The following CTNNA2 variants were observed in gnomAD, a reference collection of about 807,000 sequenced individuals.
CTNNA2 encodes the protein catenin alpha 2.
Under a neutral mutation model 101.0 loss-of-function variants are expected in CTNNA2, and 42 were observed. The observed-to-expected ratio is 0.42, with a 90% CI of 0.32 to 0.54. CTNNA2 has a LOEUF of 0.54. CTNNA2 is among the 20% of genes least tolerant of loss of function. The pLI, the probability that CTNNA2 is intolerant of heterozygous loss-of-function variation, is 0.14. For synonymous variants in CTNNA2, 450 were observed against 456.4 expected (o/e 0.99, Z 0.18); for missense variants, 871 against 1,223.1 (o/e 0.71, Z 4.29).
At chr2:79,624,549 G>A (rs542776138) in intron 1 of CTNNA2, among the ~76,000 whole-genome samples, 10 of 152,290 alleles carry the variant, frequency 6.6e-5, no homozygotes, top group South Asian at 2.1e-4. Context: ...AGGTAATGCC[G>A]GGGAGGACTG....
intron 9 of CTNNA2, among the ~76,000 whole-genome samples, chr2:80,425,385 T>TA (rs1162210337): frequency 1.3e-5 from 2 of 152,258 alleles, no homozygotes; most frequent in Middle Eastern, 3.4e-3. Flanking sequence ...TTTTGCGACT[T>TA]ACATACCTCA....
intron 4 of CTNNA2, among the ~76,000 whole-genome samples, chr2:79,438,704 A>T (rs981744319): frequency 6.6e-6 from 1 of 152,162 alleles, no homozygotes; most frequent in Non-Finnish European, 1.5e-5. Flanking sequence ...TGTAGTCTGA[A>T]ACCTCACCTA....
intron 6 of CTNNA2, among the ~76,000 whole-genome samples, chr2:79,874,733 G>A (rs924536774): frequency 3.9e-5 from 6 of 152,082 alleles, no homozygotes; most frequent in African/African-American, 1.2e-4. Context: ...GCTTAAACTC[G>A]GGAGGCGGAG....
At chr2:79,681,801 AACTT>A (rs1004222207) in intron 2 of CTNNA2, among the ~76,000 whole-genome samples, 14 of 152,226 alleles carry the variant, frequency 9.2e-5, no homozygotes, top group African/African-American at 3.1e-4. Context: ...ATTTGGGAAA[AACTT>A]ACCGCTTCAG....
chr2:80,107,830 C>T (rs1489353078), intron 7 of CTNNA2, among the ~76,000 whole-genome samples: 1 of 152,212 alleles, frequency 6.6e-6, no homozygotes, highest in Non-Finnish European at 1.5e-5. Flanking sequence ...CACCATGGGG[C>T]CTGCATGGAG....
chr2:79,860,655 A>T (rs902601202), intron 4 of CTNNA2, among the ~76,000 whole-genome samples: 1 of 151,038 alleles, frequency 6.6e-6, no homozygotes, highest in South Asian at 2.1e-4. Flanking sequence ...AAATGATTGT[A>T]GACTAAATAA....
At chr2:79,709,860 A>AT (rs1276300228) in intron 2 of CTNNA2, among the ~76,000 whole-genome samples, 2 of 152,108 alleles carry the variant, frequency 1.3e-5, no homozygotes, top group Non-Finnish European at 2.9e-5. Flanking sequence ...GTGAGGCCAG[A>AT]TGGGGAATTG....
At chr2:79,760,361 A>G (rs1477950965) in intron 3 of CTNNA2, among the ~76,000 whole-genome samples, 3 of 152,072 alleles carry the variant, frequency 2.0e-5, no homozygotes, top group African/African-American at 7.2e-5. Flanking sequence ...AAAGAGAACC[A>G]ATAGGTTATA....
At chr2:79,942,105 C>T (rs1190489303) in intron 7 of CTNNA2, among the ~76,000 whole-genome samples, 1 of 152,164 alleles carries the variant, frequency 6.6e-6, no homozygotes, top group African/African-American at 2.4e-5. Context: ...TTAATCATCA[C>T]CCCAACAGGA....
At chr2:80,525,159 G>T (rs1368997580) in intron 9 of CTNNA2, among the ~76,000 whole-genome samples, 1 of 151,586 alleles carries the variant, frequency 6.6e-6, no homozygotes, top group Non-Finnish European at 1.5e-5. Context: ...TCCTCCTCTG[G>T]TAGTTCCTGT....
chr2:80,061,086 G>A (rs1397527072), intron 7 of CTNNA2, among the ~76,000 whole-genome samples: 2 of 152,078 alleles, frequency 1.3e-5, no homozygotes, highest in Admixed American at 6.6e-5. Context: ...CAATCAAAGC[G>A]TCCTCCCCAG....
intron 7 of CTNNA2, among the ~76,000 whole-genome samples, chr2:80,300,127 C>T (rs1457650197): frequency 6.6e-6 from 1 of 152,012 alleles, no homozygotes; most frequent in Non-Finnish European, 1.5e-5. Context: ...TTCAAAACCC[C>T]CTCCTCAAAG....
At position 79,605,290 on chromosome 2, in the gene CTNNA2, A is replaced by C. The variant is rs181176236; in HGVS notation, c.-5-46262A>C. Among the ~76,000 whole-genome samples, 32 of 152,248 alleles carry C rather than the reference A, an allele frequency of 2.1e-4. No individual in the cohort carries two copies. The East Asian group carries it at 6.2e-3, about 29-fold the overall frequency. ...TGAACTTCAAGACACAGCAATAAAA[A>C]CATCATGATGGAGCAGAAAAAAAAT... On this transcript the variant is annotated intron_variant, in intron 1 of 18. Transcript: ENST00000402739.
In CTNNA2 at chr2:80,309,113, G is replaced by A. The variant is rs1368472094; in HGVS notation, c.1057-84098G>A. Among the ~76,000 whole-genome samples the A allele has an allele frequency of 2.6e-5, 4 of 151,620 alleles. No homozygotes were observed. The East Asian group carries it at 7.7e-4, about 29-fold the overall frequency. ...CAGAAAAAGGAAAAAAGAAAAAAAA[G>A]AGAGAGAGAGAGAGAAAGAAAAGAA... On this transcript the variant is annotated intron_variant, in intron 7 of 18. Transcript: ENST00000402739.
At chr2:79,518,605 C>T (rs1478748919) in intron 1 of CTNNA2, among the ~76,000 whole-genome samples, 1 of 152,152 alleles carries the variant, frequency 6.6e-6, no homozygotes, top group Non-Finnish European at 1.5e-5. Flanking sequence ...CTCCAGAAAT[C>T]ACCAGAGGAT....
chr2:79,754,956 C>T (rs1308201377), intron 3 of CTNNA2, among the ~76,000 whole-genome samples: 1 of 152,070 alleles, frequency 6.6e-6, no homozygotes, highest in Non-Finnish European at 1.5e-5. Flanking sequence ...GAAGATAACT[C>T]ATGTATCTTC....
intron 1 of CTNNA2, among the ~76,000 whole-genome samples, chr2:79,613,843 C>A (rs1044916213): frequency 6.6e-6 from 1 of 152,092 alleles, no homozygotes; most frequent in Admixed American, 6.5e-5. Context: ...AAGCAATATG[C>A]GTGCGTGGAT....
At chr2:80,418,089 C>A (rs953167992) in intron 8 of CTNNA2, among the ~76,000 whole-genome samples, 2 of 152,112 alleles carry the variant, frequency 1.3e-5, no homozygotes, top group Non-Finnish European at 2.9e-5. Flanking sequence ...CTCTAAATAT[C>A]TTTTCCTCCA....
intron 2 of CTNNA2, among the ~76,000 whole-genome samples, chr2:79,238,347 A>G (rs1189551904): frequency 6.6e-6 from 1 of 152,196 alleles, no homozygotes; most frequent in Non-Finnish European, 1.5e-5. Flanking sequence ...CTGTAACCTC[A>G]ACCAAAACAA....
Sources: gnomAD v4.1 joint callset for allele counts (sites outside exome capture counted in the v4.1 genomes callset) on GRCh38, gnomAD v4.1.1 for gene constraint, MANE v1.5 for transcripts, NCBI Gene and HGNC (gene_info 2026-07-23, HGNC 2026-07-21) for gene names.